TENM2: variants seen among roughly 807,000 people sequenced by gnomAD.
The protein encoded by TENM2 is teneurin-2.
In TENM2, 52 loss-of-function variants were observed where a neutral mutation model predicts 245.2. The observed-to-expected ratio is 0.21, with a 90% CI of 0.17 to 0.27. TENM2 has a LOEUF of 0.27. Among genes scored for constraint, TENM2 ranks in the 10% least tolerant of loss-of-function variants. The pLI, the probability that TENM2 is intolerant of heterozygous loss-of-function variation, is 1.00. For missense variants in TENM2, 3,046 were observed against 3,666.8 expected, an observed-to-expected ratio of 0.83 and a Z score of 4.37; for synonymous variants, 1,363 against 1,438.9, an observed-to-expected ratio of 0.95 and a Z score of 1.19.
intron 2 of TENM2, among the ~76,000 whole-genome samples, chr5:167,414,568 C>G (rs921350057): frequency 6.6e-6 from 1 of 151,964 alleles, no homozygotes; most frequent in Non-Finnish European, 1.5e-5. Flanking sequence ...GGCCCTGGTT[C>G]GCTAGAGAGA....
At chr5:167,731,199 A>G (rs1265355011) in intron 2 of TENM2, among the ~76,000 whole-genome samples, 1 of 42,582 alleles carries the variant, frequency 2.3e-5, no homozygotes, top group Non-Finnish European at 4.6e-5. Flanking sequence ...CCCTCCAGAC[A>G]GTTTTTTTTT....
the TENM2 span, among the ~76,000 whole-genome samples, chr5:167,273,898 A>AT: frequency 1.3e-5 from 2 of 152,024 alleles, no homozygotes; most frequent in African/African-American, 2.4e-5. Flanking sequence ...GCATTGTGGG[A>AT]TTTTTTTAAA....
chr5:168,112,610 G>GC (rs1037516247), intron 9 of TENM2, among the ~76,000 whole-genome samples: 4 of 130,410 alleles, frequency 3.1e-5, no homozygotes, highest in Non-Finnish European at 4.9e-5. Context: ...AGTGGGCGGG[G>GC]GGGGGGTCAA....
At chr5:167,553,789 G>T (rs1773101301) in intron 2 of TENM2, among the ~76,000 whole-genome samples, 1 of 152,014 alleles carries the variant, frequency 6.6e-6, no homozygotes, top group African/African-American at 2.4e-5. Context: ...GGAAAGAGGG[G>T]TTGACATTGA....
intron 2 of TENM2, among the ~76,000 whole-genome samples, chr5:167,495,910 A>G (rs940443991): frequency 6.6e-6 from 1 of 152,074 alleles, no homozygotes; most frequent in Non-Finnish European, 1.5e-5. Flanking sequence ...GATTCTCATG[A>G]CTTTGAAGCC....
chr5:167,769,759 G>T (rs1763278759), intron 2 of TENM2, among the ~76,000 whole-genome samples: 1 of 152,252 alleles, frequency 6.6e-6, no homozygotes, highest in African/African-American at 2.4e-5. Flanking sequence ...GCAGAGAAAT[G>T]ATCAAACTTG....
chr5:167,832,783 G>A lies in TENM2; in HGVS notation c.503-43203G>A, dbSNP rs542683122. Among the ~76,000 whole-genome samples the A allele has an allele frequency of 2.0e-5, 3 of 152,314 alleles. No individual in the cohort carries two copies. In the South Asian group the frequency reaches 6.2e-4, roughly 32 times the overall value. The stretch of plus-strand genomic sequence containing the variant: ...ATAATTTGGAAGCATACACACAGGA[G>A]TGCACTGGAGCCAGCTTGTACTAGC... On this transcript the variant is annotated intron_variant, in intron 2 of 28. Transcript: ENST00000518659.
At chr5:167,327,907 A>G (rs1167521675) in intron 1 of TENM2, among the ~76,000 whole-genome samples, 1 of 152,088 alleles carries the variant, frequency 6.6e-6, no homozygotes, top group Non-Finnish European at 1.5e-5. Context: ...CTCTGCGGGG[A>G]TAAGAGATGA....
chr5:167,866,702 A>G (rs1772356777), intron 2 of TENM2, among the ~76,000 whole-genome samples: 1 of 152,054 alleles, frequency 6.6e-6, no homozygotes. Flanking sequence ...AAGTTGAGAG[A>G]AGGAACATGA....
At chr5:167,908,775 G>A (rs183555977) in intron 3 of TENM2, among the ~76,000 whole-genome samples, 1 of 151,362 alleles carries the variant, frequency 6.6e-6, no homozygotes, top group Non-Finnish European at 1.5e-5. Flanking sequence ...TGAGGAAAGA[G>A]AAAAGAAAGT....
At chr5:167,884,679 T>C (rs1774146166) in intron 3 of TENM2, among the ~76,000 whole-genome samples, 1 of 152,250 alleles carries the variant, frequency 6.6e-6, no homozygotes, top group African/African-American at 2.4e-5. Flanking sequence ...CGGTGGTTTC[T>C]ACCTTTTGTC....
chr5:167,417,296 G>A (rs1763220509), intron 2 of TENM2, among the ~76,000 whole-genome samples: 1 of 152,030 alleles, frequency 6.6e-6, no homozygotes, highest in African/African-American at 2.4e-5. Context: ...TTCCTTCCCA[G>A]CACAGTCCAT....
the TENM2 span, among the ~76,000 whole-genome samples, chr5:167,243,849 C>T: frequency 1.3e-5 from 2 of 152,116 alleles, no homozygotes; most frequent in Admixed American, 6.6e-5. Flanking sequence ...TATCTCTGCC[C>T]ACCTCCTTCA....
chr5:167,133,343 GA>G, the TENM2 span, among the ~76,000 whole-genome samples: 2 of 152,266 alleles, frequency 1.3e-5, no homozygotes, highest in South Asian at 4.1e-4. Context: ...GTCTGCCTTG[GA>G]ATTTTGTTCA....
At chr5:167,060,529 T>G in the TENM2 span, among the ~76,000 whole-genome samples, 3 of 151,474 alleles carry the variant, frequency 2.0e-5, no homozygotes, top group African/African-American at 7.3e-5. Flanking sequence ...TGAGCACCTG[T>G]AATCTCAGCT....
the TENM2 span, among the ~76,000 whole-genome samples, chr5:167,044,360 G>A: frequency 2.0e-5 from 3 of 152,092 alleles, no homozygotes; most frequent in African/African-American, 7.2e-5. Flanking sequence ...TGACTTTGCG[G>A]AGGAAAAAAA....
chr5:167,527,837 G>A (rs968045589), intron 2 of TENM2, among the ~76,000 whole-genome samples: 10 of 152,200 alleles, frequency 6.6e-5, no homozygotes, highest in Non-Finnish European at 1.5e-5. Flanking sequence ...CTGAGGAGAG[G>A]AAGACAGGTA....
the TENM2 span, among the ~76,000 whole-genome samples, chr5:167,166,864 T>C: frequency 6.6e-6 from 1 of 152,168 alleles, no homozygotes; most frequent in East Asian, 1.9e-4. Flanking sequence ...GAATAGATAT[T>C]TCTCAGGAAT....
chr5:167,276,876 A>T, the TENM2 span, among the ~76,000 whole-genome samples: 2 of 152,072 alleles, frequency 1.3e-5, no homozygotes, highest in African/African-American at 4.8e-5. Flanking sequence ...GGCTGATTGA[A>T]TCTGATGTGG....
Sources: gnomAD v4.1 joint callset for allele counts (sites outside exome capture counted in the v4.1 genomes callset) on GRCh38, gnomAD v4.1.1 for gene constraint, MANE v1.5 for transcripts, NCBI Gene and HGNC (gene_info 2026-07-23, HGNC 2026-07-21) for gene names.